Variants in SLC9C1 observed in about 807,000 individuals in gnomAD.
The protein encoded by SLC9C1 is sodium/hydrogen exchanger 10.
SLC9C1 carries 97 observed loss-of-function variants against 140.9 expected under a neutral mutation model. The ratio of observed to expected loss-of-function variants is 0.69; its 90% CI spans 0.58 to 0.82. The LOEUF is 0.82. Among genes scored for constraint, SLC9C1 ranks in the 40% least tolerant of loss-of-function variants. The pLI is 0.00. For missense variants in SLC9C1, 1,340 were observed against 1,389.3 expected (o/e 0.96, Z 0.56); for synonymous variants, 440 against 442.6 (o/e 0.99, Z 0.07).
intron 26 of SLC9C1, among the ~76,000 whole-genome samples, chr3:112,165,496 C>A (rs1407889574): frequency 1.3e-5 from 2 of 152,218 alleles, no homozygotes; most frequent in African/African-American, 4.8e-5. Flanking sequence ...ACAGTCAGGA[C>A]CCTCAGCTGC....
rs2077409658 is a variant in SLC9C1, at chr3:112,180,057, G to GATAGTGTTAT, written c.2749-357_2749-356insATAACACTAT. On this transcript the variant is annotated intron_variant, in intron 22 of 28. Coordinates refer to ENST00000305815, the MANE Select transcript of SLC9C1 (RefSeq NM_183061.3). ...TTCCTGTTATCTGTGAGAAAGTATG[G>GATAGTGTTAT]CTTTAAAATGATGGATAGTGTTATC... Among the ~76,000 whole-genome samples, 3 of 152,240 alleles carry GATAGTGTTAT rather than the reference G, an allele frequency of 2.0e-5. No individual in the cohort carries two copies. The East Asian group carries it at 5.8e-4, about 29-fold the overall frequency.
intron 11 of SLC9C1, among the ~76,000 whole-genome samples, chr3:112,240,396 G>A (rs1011462663): frequency 5.3e-5 from 8 of 152,202 alleles, no homozygotes; most frequent in Non-Finnish European, 1.2e-4. Flanking sequence ...TGGGCCACAG[G>A]GTGCCCATAT....
At chr3:112,146,648 T>G (rs546315495) in intron 28 of SLC9C1, among the ~76,000 whole-genome samples, 80 of 152,362 alleles carry the variant, frequency 5.3e-4, no homozygotes, top group Non-Finnish European at 7.9e-4. Context: ...TCATTTCTAT[T>G]TTTATTCCAC....
At position 112,284,985 on chromosome 3, in the gene SLC9C1, C is replaced by CTTTTTTTTTTTT. The variant is rs61428176; in HGVS notation, c.88+1707_88+1718dup. Among the ~76,000 whole-genome samples the CTTTTTTTTTTTT allele has an allele frequency of 2.6e-4, 27 of 103,864 alleles. 1 individual carries two copies. The highest frequency in any genetic ancestry group is 5.9e-4 in the East Asian group (2 of 3,384). 68.1% of individuals were successfully genotyped at this position (103,864 alleles called of 152,430 possible). ...ATTATTAGAAAAAAATACAATTTTT[C>CTTTTTTTTTTTT]TTTTTTTTTTTTTTTTTTTGAGACA... On this transcript the variant is annotated intron_variant, in intron 2 of 28. Transcript: ENST00000305815.
intron 26 of SLC9C1, among the ~76,000 whole-genome samples, chr3:112,161,403 G>A (rs993610534): frequency 6.6e-6 from 1 of 152,170 alleles, no homozygotes; most frequent in Non-Finnish European, 1.5e-5. Context: ...TATGGTTTTA[G>A]GTCTAACGTT....
At chr3:112,220,913 G>A (rs934107388) in intron 14 of SLC9C1, among the ~76,000 whole-genome samples, 1 of 152,138 alleles carries the variant, frequency 6.6e-6, no homozygotes, top group African/African-American at 2.4e-5. Context: ...TCAAAATCAC[G>A]GAGGTAAGAA....
At chr3:112,187,983 TATA>T (rs2077571980) in intron 20 of SLC9C1, among the ~76,000 whole-genome samples, 1 of 152,010 alleles carries the variant, frequency 6.6e-6, no homozygotes, top group Admixed American at 6.5e-5. Flanking sequence ...TTTATTTACA[TATA>T]ATGTTATTTA....
At chr3:112,215,880 A>T (rs529160739) in intron 15 of SLC9C1, among the ~76,000 whole-genome samples, 8 of 152,326 alleles carry the variant, frequency 5.3e-5, no homozygotes, top group Non-Finnish European at 8.8e-5. Context: ...GGAACCAAAA[A>T]AGAGCCCACA....
chr3:112,243,734 A>C (rs1345102397), intron 11 of SLC9C1, among the ~76,000 whole-genome samples: 2 of 150,144 alleles, frequency 1.3e-5, no homozygotes, highest in Non-Finnish European at 3.0e-5. Context: ...TCTCTTGCCC[A>C]GGGTGGAGTG....
In SLC9C1 at chr3:112,164,799, C is replaced by T. The variant is rs577701243; in HGVS notation, c.3364+2422G>A. Among the ~76,000 whole-genome samples, 7 of 152,012 alleles carry T rather than the reference C, an allele frequency of 4.6e-5. No individual in the cohort carries two copies. In the East Asian group the frequency reaches 5.9e-4, roughly 13 times the overall value. On this transcript the variant is annotated intron_variant, in intron 26 of 28. Coordinates refer to ENST00000305815, the MANE Select transcript of SLC9C1 (RefSeq NM_183061.3). ...TATCTTTGTGGCATTCTCTGTATTT[C>T]GTGAATTTGAATGTTGGCTGCCCTG...
intron 27 of SLC9C1, among the ~76,000 whole-genome samples, chr3:112,152,825 C>T (rs1363489936): frequency 1.3e-5 from 2 of 152,174 alleles, no homozygotes; most frequent in Non-Finnish European, 2.9e-5. Flanking sequence ...ATCCATTTAA[C>T]CTTGAGTCAA....
intron 1 of SLC9C1, among the ~76,000 whole-genome samples, chr3:112,289,374 G>T (rs57512585): frequency 0.075 from 11,345 of 152,208 alleles, 488 homozygotes; most frequent in East Asian, 0.21. Context: ...TTTAGGTAAG[G>T]TGCTGTCAGA....
At chr3:112,173,823 G>A (rs1268213341) in intron 23 of SLC9C1, among the ~76,000 whole-genome samples, 2 of 152,178 alleles carry the variant, frequency 1.3e-5, no homozygotes, top group Non-Finnish European at 2.9e-5. Context: ...GGGTTGAATG[G>A]TAATTCTGTT....
At chr3:112,271,393 G>A (rs868569101) in intron 6 of SLC9C1, among the ~76,000 whole-genome samples, 17 of 125,580 alleles carry the variant, frequency 1.4e-4, no homozygotes, top group East Asian at 2.6e-4. Flanking sequence ...ATTCTACATT[G>A]TATATATATA....
intron 18 of SLC9C1, among the ~76,000 whole-genome samples, chr3:112,201,863 A>G (rs1426488506): frequency 6.6e-6 from 1 of 152,000 alleles, no homozygotes; most frequent in East Asian, 1.9e-4. Flanking sequence ...GAGATGAAAG[A>G]AGCTTTTGGG....
chr3:112,240,574 T>C (rs1254920368), intron 11 of SLC9C1, among the ~76,000 whole-genome samples: 1 of 152,254 alleles, frequency 6.6e-6, no homozygotes, highest in Non-Finnish European at 1.5e-5. Flanking sequence ...ATTTGTTGTC[T>C]CTGCCTTATG....
intron 28 of SLC9C1, among the ~76,000 whole-genome samples, chr3:112,150,927 G>A (rs982667679): frequency 1.4e-5 from 2 of 147,676 alleles, no homozygotes; most frequent in African/African-American, 2.5e-5. Flanking sequence ...AACCTCCGCC[G>A]CCCAGGTTCA....
chr3:112,262,567 A>G (rs2079804238), intron 10 of SLC9C1, among the ~76,000 whole-genome samples: 1 of 151,990 alleles, frequency 6.6e-6, no homozygotes, highest in Admixed American at 6.6e-5. Context: ...GTTTTGGCTC[A>G]TAGCATTACT....
chr3:112,161,037 T>C (rs2075282466), intron 26 of SLC9C1, among the ~76,000 whole-genome samples: 1 of 152,258 alleles, frequency 6.6e-6, no homozygotes, highest in Non-Finnish European at 1.5e-5. Context: ...TGAGCATTTT[T>C]TCATGTGTTT....
Sources: gnomAD v4.1 joint callset for allele counts (sites outside exome capture counted in the v4.1 genomes callset) on GRCh38, gnomAD v4.1.1 for gene constraint, MANE v1.5 for transcripts, NCBI Gene and HGNC (gene_info 2026-07-23, HGNC 2026-07-21) for gene names.